The following TG variants were observed in gnomAD, a reference collection of about 807,000 sequenced individuals.
The protein encoded by TG is thyroid hormones.
In TG, 270 loss-of-function variants were observed where a neutral mutation model predicts 324.7. The observed-to-expected ratio is 0.83, with a 90% CI of 0.75 to 0.92. The LOEUF is 0.92. Among genes scored for constraint, TG ranks in the 40% least tolerant of loss-of-function variants. The pLI is 0.00. For missense variants in TG, 3,591 were observed against 3,456.4 expected (o/e 1.04, Z -0.98); for synonymous variants, 1,401 against 1,327.0 (o/e 1.06, Z -1.21).
At chr8:132,931,922 T>A (rs904814866) in intron 23 of TG, among the ~76,000 whole-genome samples, 1 of 151,832 alleles carries the variant, frequency 6.6e-6, no homozygotes, top group South Asian at 2.1e-4. Flanking sequence ...TACAAAAAAA[T>A]AAAAATAATA....
intron 8 of TG, chr8:132,883,311 G>A (rs1177120056): frequency 1.9e-5 from 7 of 361,342 alleles, no homozygotes; most frequent in Non-Finnish European, 3.6e-5. Context: ...AAGGAGCATG[G>A]TGAGGTGGGC....
At chr8:132,912,939 A>G (rs1391321065) in intron 19 of TG, 108 bp from the exon 20 acceptor site, 1 of 1,039,328 alleles carries the variant, frequency 9.6e-7, no homozygotes, top group Non-Finnish European at 1.5e-6. Flanking sequence ...CATGATGCCT[A>G]TGTCTCATTC....
intron 44 of TG, among the ~76,000 whole-genome samples, chr8:133,114,381 C>T (rs1850522028): frequency 6.6e-6 from 1 of 152,224 alleles, no homozygotes; most frequent in Admixed American, 6.5e-5. Context: ...CCCTCTCTTG[C>T]AGCACGCCCC....
intron 41 of TG, among the ~76,000 whole-genome samples, chr8:133,045,689 C>G (rs965685925): frequency 6.6e-6 from 1 of 152,190 alleles, no homozygotes; most frequent in African/African-American, 2.4e-5. Flanking sequence ...GCTACCATGC[C>G]GGGCCTCATC....
chr8:132,902,822 G>A (rs1357643244), intron 16 of TG, among the ~76,000 whole-genome samples: 1 of 152,182 alleles, frequency 6.6e-6, no homozygotes, highest in Non-Finnish European at 1.5e-5. Context: ...TAGCGCTTAG[G>A]AAGACTGTAT....
Position 132,893,955 on chromosome 8 carries a change from T to C in TG, c.3001+26T>C, listed in dbSNP as rs1289656484. 2.5e-6 allele frequency: 4 copies of C among 1,614,010 alleles called. No homozygotes were observed. The South Asian group carries it at 3.3e-5, about 13-fold the overall frequency. ...GTGAGTGTGGTGCCCTTCAGCTTTC[T>C]TACTGCATCGCTTTGGAAAAGCAGG... On this transcript the variant is annotated intron_variant, in intron 11 of 47. Transcript: ENST00000220616.
intron 32 of TG, among the ~76,000 whole-genome samples, chr8:132,969,819 C>A (rs575789778): frequency 1.4e-5 from 2 of 144,708 alleles, no homozygotes; most frequent in Non-Finnish European, 3.0e-5. Context: ...GAGGCTGAGG[C>A]AGAAGAATTG....
rs1238206630 is a variant in TG, at chr8:132,962,159, A to C, written c.5468-835A>C. ...AGAGGAGGAGGAGGAAGAGGAGAAA[A>C]GGAGGGGGAGGAGAAAATGAAAAGG... is the stretch of plus-strand genomic sequence containing the variant. On this transcript the variant is annotated intron_variant, in intron 28 of 47. Transcript: ENST00000220616. Among the ~76,000 whole-genome samples, 5 of 152,138 alleles carry C rather than the reference A, an allele frequency of 3.3e-5. 1 individual carries two copies.
rs778325090 is a variant in TG at position 133,013,691 on chromosome 8, C to T, written c.6489C>T (p.Cys2163=). The part of the protein sequence containing the change: ...RCMFYADTQS[C]THSLQGQNCR... ...TGTTCTATGCTGATACTCAAAGCTGCACACATAGTCTGCAGGGTCAGAACT... is the reference window on the plus strand; with the variant it reads ...TGTTCTATGCTGATACTCAAAGCTGTACACATAGTCTGCAGGGTCAGAACT... The change falls in exon 37 of 48, where the codon TGC becomes TGT. Residue 2163 remains cysteine, a synonymous_variant. Transcript: ENST00000220616. 5.6e-6 allele frequency: 9 copies of T among 1,614,046 alleles called. No homozygotes were observed. The East Asian group carries it at 2.0e-4, about 36-fold the overall frequency.
intron 46 of TG, among the ~76,000 whole-genome samples, chr8:133,132,998 G>A (rs1458492334): frequency 1.3e-5 from 2 of 152,206 alleles, no homozygotes; most frequent in African/African-American, 2.4e-5. Context: ...GCCGGAAGAC[G>A]GGCCTGGGCA....
intron 20 of TG, among the ~76,000 whole-genome samples, chr8:132,918,710 C>T (rs1354929074): frequency 2.0e-5 from 3 of 152,104 alleles, no homozygotes; most frequent in Admixed American, 6.5e-5. Context: ...ACTGCTTGGC[C>T]GTCCTTAACC....
intron 41 of TG, among the ~76,000 whole-genome samples, chr8:133,071,202 T>C (rs534389519): frequency 3.9e-5 from 6 of 152,320 alleles, no homozygotes; most frequent in African/African-American, 1.2e-4. Context: ...GTGTGTTACA[T>C]GTACTCTCCA....
At chr8:133,079,184 C>T (rs758692849) in intron 41 of TG, among the ~76,000 whole-genome samples, 3 of 152,108 alleles carry the variant, frequency 2.0e-5, no homozygotes, top group Admixed American at 6.5e-5. Context: ...CTGTACTGGC[C>T]GAATGACACT....
intron 5 of TG, among the ~76,000 whole-genome samples, chr8:132,881,283 G>T (rs1453024338): frequency 6.6e-6 from 1 of 152,226 alleles, no homozygotes; most frequent in Non-Finnish European, 1.5e-5. Context: ...TTTACGGAAA[G>T]AGATGGATAG....
chr8:132,877,744 A>C (rs373885603), intron 5 of TG, among the ~76,000 whole-genome samples: 7 of 152,176 alleles, frequency 4.6e-5, no homozygotes, highest in Non-Finnish European at 8.8e-5. Context: ...GGATTCTTCT[A>C]TGGCCACCCT....
At chr8:132,908,422 A>ACCTGAGGGTTTGAGTTCAACCCT (rs376329500) in intron 18 of TG, 82 bp downstream of exon 18, 3 of 849,676 alleles carry the variant, frequency 3.5e-6, no homozygotes, top group Non-Finnish European at 5.1e-6. Flanking sequence ...GCTCACATTA[A>ACCTGAGGGTTTGAGTTCAACCCT]CACAGAGGCT....
intron 35 of TG, among the ~76,000 whole-genome samples, chr8:132,992,424 T>C (rs918946074): frequency 1.8e-4 from 28 of 152,228 alleles, no homozygotes; most frequent in African/African-American, 6.5e-4. Flanking sequence ...GCTATAGTAT[T>C]AGGTGCAAAA....
At chr8:132,919,134 T>C (rs188717308) in intron 20 of TG, among the ~76,000 whole-genome samples, 20 of 152,302 alleles carry the variant, frequency 1.3e-4, no homozygotes, top group Admixed American at 9.8e-4. Flanking sequence ...TTGAAATCCC[T>C]GTCTGACCCT....
intron 10 of TG, among the ~76,000 whole-genome samples, chr8:132,892,091 C>A (rs932156590): frequency 6.6e-6 from 1 of 152,180 alleles, no homozygotes; most frequent in Admixed American, 6.5e-5. Context: ...AGTGCATTAT[C>A]CCTGGTCGCA....
Sources: gnomAD v4.1 joint callset for allele counts (sites outside exome capture counted in the v4.1 genomes callset) on GRCh38, gnomAD v4.1.1 for gene constraint, MANE v1.5 for transcripts, NCBI Gene and HGNC (gene_info 2026-07-23, HGNC 2026-07-21) for gene names.